The following ANK2 variants were observed in gnomAD, a reference collection of about 807,000 sequenced individuals.
ANK2 encodes the protein ankyrin 2.
A neutral mutation model predicts 360.5 loss-of-function variants in ANK2; 83 were observed. The ratio of observed to expected loss-of-function variants is 0.23; its 90% CI spans 0.19 to 0.28. The LOEUF (loss-of-function observed/expected upper bound fraction) is 0.28. Among genes scored for constraint, ANK2 ranks in the 10% least tolerant of loss-of-function variants. ANK2 has a pLI of 1.00. For synonymous variants in ANK2, 1,740 were observed against 1,759.5 expected (o/e 0.99, Z 0.28); for missense variants, 4,201 against 4,795.7 (o/e 0.88, Z 3.66).
At chr4:113,258,242 T>G (rs1238659017) in intron 12 of ANK2, 71 bp from the exon 13 acceptor site, 7 of 1,582,320 alleles carry the variant, frequency 4.4e-6, no homozygotes. Context: ...CACTCAAGTT[T>G]TATTTATCTG....
At chr4:113,207,539 G>T (rs1297271445) in intron 4 of ANK2, among the ~76,000 whole-genome samples, 1 of 152,064 alleles carries the variant, frequency 6.6e-6, no homozygotes, top group Admixed American at 6.6e-5. Flanking sequence ...AAGCTACTCT[G>T]GTAGTAAATG....
chr4:112,766,130 G>A, the ANK2 span, among the ~76,000 whole-genome samples: 3 of 151,946 alleles, frequency 2.0e-5, no homozygotes, highest in East Asian at 1.9e-4. Flanking sequence ...TCAGGAGTTC[G>A]AGACCAGCCT....
chr4:112,832,727 T>C (rs1048184759), intron 1 of ANK2, among the ~76,000 whole-genome samples: 4 of 152,234 alleles, frequency 2.6e-5, no homozygotes, highest in African/African-American at 9.6e-5. Flanking sequence ...TTCCATGGTC[T>C]TCTACTGTTA....
At chr4:113,363,508 A>G (rs2154048022) in intron 40 of ANK2, 39 bp downstream of exon 40, 1 of 1,611,866 alleles carries the variant, frequency 6.2e-7, no homozygotes, top group African/African-American at 1.3e-5. Flanking sequence ...CTAAAGTTGG[A>G]CATGTCTTGC....
upstream of ANK2, among the ~76,000 whole-genome samples, chr4:112,814,357 A>G (rs1341006538): frequency 2.0e-5 from 3 of 152,190 alleles, no homozygotes; most frequent in Non-Finnish European, 4.4e-5. Flanking sequence ...AAGCATCTAT[A>G]TAGTTTCATT....
upstream of ANK2, among the ~76,000 whole-genome samples, chr4:113,048,276 ATTTTTTTTTTT>A (rs1165941601): frequency 6.0e-3 from 237 of 39,318 alleles, no homozygotes; most frequent in African/African-American, 0.011. Flanking sequence ...ATATATATAT[ATTTTTTTTTTT>A]TTTTTTTTTT....
chr4:112,753,514 G>T, the ANK2 span, among the ~76,000 whole-genome samples: 1 of 152,190 alleles, frequency 6.6e-6, no homozygotes, highest in East Asian at 1.9e-4. Context: ...GCTGAGACCT[G>T]CTGGGCTGCA....
chr4:112,829,491 C>CAAAAAAAAAAAAAAAAAAAAAA lies in ANK2; in HGVS notation c.-40+11246_-40+11247insAAAAAAAAAAAAAAAAAAAAAA, dbSNP rs60272903. Among the ~76,000 whole-genome samples the CAAAAAAAAAAAAAAAAAAAAAA allele has an allele frequency of 4.8e-3, 290 of 60,666 alleles. 27 individuals are homozygous for CAAAAAAAAAAAAAAAAAAAAAA. The highest frequency in any genetic ancestry group is 6.6e-3 in the East Asian group (20 of 3,048). The allele number at this position is 60,666 out of a possible 152,430, so 39.8% of individuals were successfully genotyped here. A position where few individuals can be genotyped will look rare whatever the true frequency, so the allele number is the denominator to read the frequency against. On this transcript the variant is annotated intron_variant, in intron 1 of 30. Transcript: ENST00000503271. ...GCAACATAGTATGAGCCCATCTCTACAAAAAAAAAAAAAAAAAAAGGAAGG... is the reference window on the plus strand; with the variant it reads ...GCAACATAGTATGAGCCCATCTCTACAAAAAAAAAAAAAAAAAAAAAAAAAAAAAAAAAAAAAAAAAGGAAGG...
intron 1 of ANK2, among the ~76,000 whole-genome samples, chr4:113,168,708 T>C (rs1013410787): frequency 5.9e-5 from 9 of 152,166 alleles, no homozygotes; most frequent in Admixed American, 2.0e-4. Flanking sequence ...AAGTAACTTC[T>C]GCAATTCTTT....
chr4:112,932,273 C>T (rs1263143064), intron 2 of ANK2, among the ~76,000 whole-genome samples: 1 of 152,072 alleles, frequency 6.6e-6, no homozygotes, highest in Admixed American at 6.6e-5. Flanking sequence ...GGGCGGATCA[C>T]CTGAGGTCAG....
intron 1 of ANK2, among the ~76,000 whole-genome samples, chr4:113,102,889 T>C (rs1372886795): frequency 6.6e-6 from 1 of 152,162 alleles, no homozygotes; most frequent in Non-Finnish European, 1.5e-5. Context: ...TTTCCCAAGT[T>C]ATTTTCCTAT....
chr4:113,158,627 C>T (rs1330063022), intron 1 of ANK2, among the ~76,000 whole-genome samples: 1 of 152,050 alleles, frequency 6.6e-6, no homozygotes, highest in African/African-American at 2.4e-5. Context: ...TGCTGGGCTC[C>T]CATTTTGAAG....
rs547581451 is a variant in ANK2, at chr4:112,904,687, T to G, written c.21+173T>G. On this transcript the variant is annotated intron_variant, in intron 2 of 30. Transcript: ENST00000503271. ...GAAATGTAATATACTATAAGACTTT[T>G]CTTTCTGTAGTCTAGGCAATTATCA... is the stretch of plus-strand genomic sequence containing the variant. 9.1e-4 allele frequency among the ~76,000 whole-genome samples: 138 copies of G among 152,262 alleles called. 1 individual carries two copies. Among genetic ancestry groups the G allele is most frequent in the African/African-American group, 3.2e-3 (132 of 41,570 alleles).
At chr4:113,085,720 G>T (rs2084386648) in intron 1 of ANK2, among the ~76,000 whole-genome samples, 1 of 152,218 alleles carries the variant, frequency 6.6e-6, no homozygotes, top group Non-Finnish European at 1.5e-5. Context: ...GCCTGTTAGA[G>T]AGTGGCTGGC....
At chr4:113,140,884 A>G (rs2096611968) in intron 1 of ANK2, among the ~76,000 whole-genome samples, 1 of 152,118 alleles carries the variant, frequency 6.6e-6, no homozygotes, top group East Asian at 1.9e-4. Flanking sequence ...AGGCTGAGGC[A>G]GGAGAATCAC....
At chr4:112,976,922 T>C (rs1030671398) in intron 2 of ANK2, among the ~76,000 whole-genome samples, 1 of 152,244 alleles carries the variant, frequency 6.6e-6, no homozygotes, top group Non-Finnish European at 1.5e-5. Context: ...ACCTCACTTA[T>C]CTTTGCATCC....
At chr4:113,292,649 T>C in intron 21 of ANK2, 135 bp downstream of exon 21, 1 of 1,017,990 alleles carries the variant, frequency 9.8e-7, no homozygotes, top group Non-Finnish European at 1.5e-6. Flanking sequence ...AAGCCCCAGA[T>C]TTTTGGGCAG....
chr4:112,831,847 G>T (rs184251508), intron 1 of ANK2, among the ~76,000 whole-genome samples: 86 of 151,998 alleles, frequency 5.7e-4, no homozygotes, highest in Admixed American at 2.2e-3. Context: ...AATTCCGGAC[G>T]TGCCACCTTT....
At chr4:112,920,325 G>A (rs2091133948) in intron 2 of ANK2, among the ~76,000 whole-genome samples, 1 of 152,160 alleles carries the variant, frequency 6.6e-6, no homozygotes, top group African/African-American at 2.4e-5. Flanking sequence ...TACTGAGATG[G>A]TTTTAGGGAG....
Sources: allele counts gnomAD v4.1 joint callset (sites outside exome capture counted in the v4.1 genomes callset), GRCh38; gene constraint gnomAD v4.1.1; transcripts MANE v1.5; gene names NCBI Gene and HGNC (gene_info 2026-07-23, HGNC 2026-07-21).